TPTE2: variants seen among roughly 807,000 people sequenced by gnomAD.
TPTE2 encodes phosphatidylinositol 3,4,5-trisphosphate 3-phosphatase TPTE2.
In TPTE2, 53 loss-of-function variants were observed where a neutral mutation model predicts 78.6. The ratio of observed to expected loss-of-function variants is 0.67; its 90% CI spans 0.54 to 0.85. The LOEUF (loss-of-function observed/expected upper bound fraction) is 0.85, where lower values mean the gene tolerates loss of function less well. TPTE2 is among the 40% of genes least tolerant of loss of function. The pLI is 0.00. For missense variants in TPTE2, 461 were observed against 623.0 expected, an observed-to-expected ratio of 0.74 and a Z score of 2.77; for synonymous variants, 175 against 206.2, an observed-to-expected ratio of 0.85 and a Z score of 1.30.
At chr13:19,484,640 G>A (rs111422037) in intron 3 of TPTE2, among the ~76,000 whole-genome samples, 623 of 152,114 alleles carry the variant, frequency 4.1e-3, no homozygotes, top group African/African-American at 0.013. Context: ...ATATATCTAG[G>A]TGCTCTGGTG....
intron 11 of TPTE2, among the ~76,000 whole-genome samples, chr13:19,450,847 C>T (rs1878129395): frequency 6.6e-6 from 1 of 152,138 alleles, no homozygotes. Context: ...TGTCTATGTC[C>T]TCATAACACA....
chr13:19,432,869 A>T (rs1876774061), intron 15 of TPTE2, among the ~76,000 whole-genome samples: 2 of 152,110 alleles, frequency 1.3e-5, no homozygotes, highest in Admixed American at 1.3e-4. Flanking sequence ...ACAACAAAAC[A>T]GTTACAGCAT....
chr13:19,467,209 G>A lies in TPTE2; in HGVS notation c.512+16C>T. ...TAATGAAAAACTTTAAGAGAGGTAA[G>A]TCTTATGTTTCATACCTGGGAATAT... On this transcript the variant is annotated intron_variant, in intron 7 of 19. Coordinates refer to ENST00000400230, the Ensembl canonical transcript of TPTE2. 5.7e-6 allele frequency: 9 copies of A among 1,573,024 alleles called. No homozygotes were observed. Among genetic ancestry groups the A allele is most frequent in the Non-Finnish European group, 7.7e-6 (9 of 1,167,988 alleles).
At chr13:19,444,131 C>T (rs1305510033) in intron 13 of TPTE2, among the ~76,000 whole-genome samples, 1 of 150,674 alleles carries the variant, frequency 6.6e-6, no homozygotes, top group African/African-American at 2.4e-5. Flanking sequence ...ATAGCGAAAC[C>T]CCATCTCTAC....
chr13:19,473,483 C>A (rs1260494608), intron 6 of TPTE2, among the ~76,000 whole-genome samples: 1 of 152,132 alleles, frequency 6.6e-6, no homozygotes, highest in Non-Finnish European at 1.5e-5. Flanking sequence ...AATCCATGGC[C>A]ACCTCAAACA....
intron 1 of TPTE2, among the ~76,000 whole-genome samples, chr13:19,494,123 C>T (rs1230022962): frequency 6.6e-6 from 1 of 152,254 alleles, no homozygotes; most frequent in East Asian, 1.9e-4. Flanking sequence ...TCAGCCTACT[C>T]TGCTATGTCT....
At chr13:19,530,627 C>T (rs1364390237) in intron 1 of TPTE2, among the ~76,000 whole-genome samples, 1 of 152,072 alleles carries the variant, frequency 6.6e-6, no homozygotes, top group Non-Finnish European at 1.5e-5. Context: ...TCACTGCCGC[C>T]TTGAACTCAT....
At chr13:19,442,869 A>T (rs1292641788) in intron 13 of TPTE2, among the ~76,000 whole-genome samples, 1 of 152,170 alleles carries the variant, frequency 6.6e-6, no homozygotes, top group Non-Finnish European at 1.5e-5. Flanking sequence ...AATTATAAAA[A>T]CATTCTATAT....
rs369461170 is a variant in TPTE2, at chr13:19,432,572, A to G, written c.1123T>C (p.Tyr375His). Residue 375 changes from tyrosine to histidine, a missense_variant, in exon 16 of 20, where the codon TAT becomes CAT. By Grantham distance (83) the Tyr-to-His change is moderately conservative. Coordinates refer to ENST00000400230, the Ensembl canonical transcript of TPTE2. Reference sequence around the variant, plus strand: ...TTCACTTGTGCAAAATATCCAACATATCTATTCTGAAAAGCAACAGAAATC... The same window carrying G: ...TTCACTTGTGCAAAATATCCAACATGTCTATTCTGAAAAGCAACAGAAATC... 2.8e-5 allele frequency: 45 copies of G among 1,595,566 alleles called. No homozygotes were observed. The Middle Eastern group carries it at 9.0e-4, about 32-fold the overall frequency.
intron 1 of TPTE2, 30 bp downstream of exon 4, chr13:19,503,194 T>C (rs746221234): frequency 2.5e-6 from 4 of 1,613,386 alleles, no homozygotes; most frequent in Non-Finnish European, 3.4e-6. Flanking sequence ...TATAATTAGA[T>C]AAATAAAGAC....
At chr13:19,450,117 T>C (rs770596181) in exon 13 of TPTE2, 3 of 1,611,482 alleles carry the variant, frequency 1.9e-6, no homozygotes, top group Admixed American at 3.3e-5. Flanking sequence ...GTTTTCAAGA[T>C]CTTGAGCCAT....
chr13:19,492,810 C>T, intron 3 of TPTE2, 40 bp downstream of exon 6: 1 of 1,607,774 alleles, frequency 6.2e-7, no homozygotes, highest in East Asian at 2.2e-5. Flanking sequence ...GCTCTATGCA[C>T]TCTTATGCAT....
intron 1 of TPTE2, among the ~76,000 whole-genome samples, chr13:19,528,857 C>T (rs549879134): frequency 4.6e-5 from 7 of 152,238 alleles, no homozygotes; most frequent in Admixed American, 2.0e-4. Context: ...TGGTGGCTCA[C>T]GCCTGTAATC....
intron 1 of TPTE2, among the ~76,000 whole-genome samples, chr13:19,494,036 T>C (rs1326911303): frequency 6.6e-6 from 1 of 152,168 alleles, no homozygotes; most frequent in Non-Finnish European, 1.5e-5. Flanking sequence ...CTTAGCTCTG[T>C]TGCTTTCTGC....
intron 6 of TPTE2, among the ~76,000 whole-genome samples, chr13:19,470,329 T>C (rs1879528479): frequency 2.6e-5 from 4 of 152,178 alleles, no homozygotes; most frequent in African/African-American, 4.8e-5. Flanking sequence ...ATGTATCGCA[T>C]TGATTGATTT....
chr13:19,559,446 A>AC, the TPTE2 span, among the ~76,000 whole-genome samples: 2 of 150,662 alleles, frequency 1.3e-5, no homozygotes, highest in African/African-American at 4.9e-5. Context: ...GTGCTCTCCT[A>AC]CCCCCGAGGA....
At chr13:19,532,856 A>G (rs1212193907) in intron 1 of TPTE2, among the ~76,000 whole-genome samples, 1 of 152,210 alleles carries the variant, frequency 6.6e-6, no homozygotes, top group Admixed American at 6.5e-5. Context: ...CAGCACAGAA[A>G]ATATTGTAAA....
chr13:19,427,981 G>A (rs1408479452), intron 17 of TPTE2, among the ~76,000 whole-genome samples: 1 of 152,212 alleles, frequency 6.6e-6, no homozygotes, highest in Non-Finnish European at 1.5e-5. Context: ...AAGACTGGGT[G>A]TGCTGTTATG....
chr13:19,450,697 T>G (rs575854355), intron 11 of TPTE2, among the ~76,000 whole-genome samples: 227 of 152,282 alleles, frequency 1.5e-3, no homozygotes, highest in South Asian at 2.7e-3. Flanking sequence ...AGTATACAGG[T>G]AGAGGAAAAA....
Sources: gnomAD v4.1 joint callset for allele counts (sites outside exome capture counted in the v4.1 genomes callset) on GRCh38, gnomAD v4.1.1 for gene constraint, MANE v1.5 for transcripts, NCBI Gene and HGNC (gene_info 2026-07-23, HGNC 2026-07-21) for gene names.